CASD1: variants seen among roughly 807,000 people sequenced by gnomAD.
The protein encoded by CASD1 is CAS1 domain sialic acid O acetyltransferase 1.
Under a neutral mutation model 100.0 loss-of-function variants are expected in CASD1, and 41 were observed. The ratio of observed to expected loss-of-function variants is 0.41; its 90% CI spans 0.32 to 0.53. The LOEUF is 0.53. Among genes scored for constraint, CASD1 ranks in the 20% least tolerant of loss-of-function variants. The probability of loss-of-function intolerance (pLI) is 0.25; values close to 1 mark genes in which losing one functional copy is unlikely to be tolerated. For synonymous variants in CASD1, 321 were observed against 315.6 expected (o/e 1.02, Z -0.18); for missense variants, 774 against 948.7 (o/e 0.82, Z 2.42).
At chr7:94,535,160 C>T (rs1795058227) in intron 7 of CASD1, 149 bp from the exon 8 acceptor site, 6 of 592,696 alleles carry the variant, frequency 1.0e-5, no homozygotes, top group Non-Finnish European at 1.7e-5. Context: ...CTTTGGGAAG[C>T]TTTGCGTAAA....
At chr7:94,629,891 C>A in the CASD1 span, 7 of 1,602,656 alleles carry the variant, frequency 4.4e-6, no homozygotes, top group Non-Finnish European at 4.3e-6. Context: ...TAATGAGATA[C>A]GCCCTTGATA....
chr7:94,628,725 C>G, the CASD1 span: 1 of 244,578 alleles, frequency 4.1e-6, no homozygotes, highest in Non-Finnish European at 8.1e-6. Context: ...TCATGAAACT[C>G]TGGACACTAT....
At chr7:94,526,509 TG>T (rs1388187213) in intron 3 of CASD1, among the ~76,000 whole-genome samples, 1 of 152,210 alleles carries the variant, frequency 6.6e-6, no homozygotes, top group Admixed American at 6.5e-5. Context: ...ATACAAGTGC[TG>T]GGCACGGTGG....
At chr7:94,606,624 C>T in the CASD1 span, among the ~76,000 whole-genome samples, 2 of 152,296 alleles carry the variant, frequency 1.3e-5, no homozygotes, top group South Asian at 4.1e-4. Context: ...CATCAGTCGA[C>T]AGGTTTTAAT....
At chr7:94,614,107 C>CAAAA in the CASD1 span, among the ~76,000 whole-genome samples, 37 of 94,888 alleles carry the variant, frequency 3.9e-4, no homozygotes, top group African/African-American at 9.7e-4. Context: ...AAATTGAAAT[C>CAAAA]AAAAAAAAAA....
At chr7:94,539,144 T>C in intron 10 of CASD1, 88 bp downstream of exon 10, 1 of 679,334 alleles carries the variant, frequency 1.5e-6, no homozygotes, top group Non-Finnish European at 2.5e-6. Flanking sequence ...TTGTGTTTTA[T>C]AATCTCTACC....
chr7:94,577,250 C>A, the CASD1 span, among the ~76,000 whole-genome samples: 1 of 152,094 alleles, frequency 6.6e-6, no homozygotes, highest in East Asian at 1.9e-4. Context: ...AAAACTGGAT[C>A]TTTTAAATAA....
In CASD1 at chr7:94,528,255, G is replaced by A; in HGVS notation, c.459+5G>A. ...TGTATCAAAGTGTGGACTGAGGTCT[G>A]TATTTAAAAAACATAGGCTTTTTTT... is the stretch of plus-strand genomic sequence containing the variant. On this transcript the variant is annotated splice_donor_5th_base_variant and intron_variant, in intron 5 of 17. Coordinates refer to ENST00000297273, the MANE Select transcript of CASD1 (RefSeq NM_022900.5). 6.5e-7 allele frequency: 1 copy of A among 1,540,032 alleles called. No individual in the cohort carries two copies. The highest frequency in any genetic ancestry group is 8.8e-7 in the Non-Finnish European group (1 of 1,142,164).
chr7:94,604,806 AATATATATATATATATAT>A, the CASD1 span, among the ~76,000 whole-genome samples: 624 of 44,356 alleles, frequency 0.014, 9 homozygotes, highest in Non-Finnish European at 0.018. Context: ...ATGGTGCTGG[AATATATATATATATATAT>A]ATATATATAT....
In CASD1 at chr7:94,549,600, A is replaced by G. The variant is rs146816003; in HGVS notation, c.1781A>G (p.Tyr594Cys). The change falls in exon 14 of 18, where the codon TAT (tyrosine) becomes TGT (cysteine). Residue 594 changes from tyrosine (Y) to cysteine (C), a missense_variant. Tyr to Cys is a radical substitution (Grantham distance 194, BLOSUM62 -2). Coordinates refer to ENST00000297273, the MANE Select transcript of CASD1 (RefSeq NM_022900.5). Reference protein sequence around the residue: ...SKCFELKGNVYEWWFRWRLDR... With the variant: ...SKCFELKGNVCEWWFRWRLDR... ...TGTTTTGAACTGAAAGGGAATGTAT[A>G]TGAATGGTGGTTCAGATGGAGGTTA... 1.9e-6 allele frequency: 3 copies of G among 1,610,338 alleles called. No individual in the cohort carries two copies. The African/African-American group carries it at 4.0e-5, about 22-fold the overall frequency.
the CASD1 span, among the ~76,000 whole-genome samples, chr7:94,633,067 G>A: frequency 6.6e-6 from 1 of 151,990 alleles, no homozygotes; most frequent in Non-Finnish European, 1.5e-5. Flanking sequence ...AAATATACAT[G>A]TGTACAGTGC....
the CASD1 span, among the ~76,000 whole-genome samples, chr7:94,565,048 T>C: frequency 6.6e-6 from 1 of 152,056 alleles, no homozygotes; most frequent in Non-Finnish European, 1.5e-5. Flanking sequence ...ATATGTTAAG[T>C]AGCACAGTAA....
chr7:94,606,445 A>G, the CASD1 span, among the ~76,000 whole-genome samples: 28 of 152,338 alleles, frequency 1.8e-4, no homozygotes, highest in African/African-American at 6.0e-4. Flanking sequence ...CTTAATGTGT[A>G]TATGCCTCAT....
intron 11 of CASD1, 88 bp downstream of exon 11, chr7:94,544,618 CATT>C (rs1417938208): frequency 7.7e-7 from 1 of 1,292,338 alleles, no homozygotes; most frequent in East Asian, 2.5e-5. Context: ...TAAATATAGT[CATT>C]ATAAGACTGA....
At chr7:94,629,649 G>A in the CASD1 span, 5 of 1,305,822 alleles carry the variant, frequency 3.8e-6, no homozygotes, top group African/African-American at 2.9e-5. Flanking sequence ...TATCATATAT[G>A]TCTATATTAT....
At position 94,535,508 on chromosome 7, in the gene CASD1, A is replaced by C. The variant is rs34850251; in HGVS notation, c.828A>C (p.Glu276Asp). 1,912 of 1,613,150 alleles carry C rather than the reference A, an allele frequency of 1.2e-3. 3 individuals carry two copies. The highest frequency in any genetic ancestry group is 1.5e-3 in the Non-Finnish European group (1,765 of 1,179,452). Residue 276 changes from glutamate (E) to aspartate (D), a missense_variant, in exon 8 of 18, where the codon GAA becomes GAC. Glu to Asp is a conservative substitution (Grantham distance 45). Coordinates refer to ENST00000297273, the MANE Select transcript of CASD1 (RefSeq NM_022900.5). Reference sequence around the variant, plus strand: ...CTTTGGATGGCTTACATCTTCCTGAATCGAGCAGAGAAACTGTGAGAAATT... The same window carrying C: ...CTTTGGATGGCTTACATCTTCCTGACTCGAGCAGAGAAACTGTGAGAAATT... ...MESLDGLHLPESSRETTAMIL... is the reference protein window; with the variant it reads ...MESLDGLHLPDSSRETTAMIL...
downstream of CASD1, among the ~76,000 whole-genome samples, chr7:94,560,573 G>A (rs933717640): frequency 6.6e-6 from 1 of 152,286 alleles, no homozygotes; most frequent in Non-Finnish European, 1.5e-5. Flanking sequence ...TTGTAAAGTT[G>A]TATATTTGGA....
At chr7:94,533,479 T>C (rs1037829082) in intron 6 of CASD1, among the ~76,000 whole-genome samples, 200 bp from the exon 7 acceptor site, 1 of 152,192 alleles carries the variant, frequency 6.6e-6, no homozygotes, top group Middle Eastern at 3.2e-3. Flanking sequence ...TTGAATGTTA[T>C]ACATTGAAAG....
chr7:94,579,663 A>G, the CASD1 span, among the ~76,000 whole-genome samples: 20 of 152,176 alleles, frequency 1.3e-4, no homozygotes, highest in Non-Finnish European at 2.8e-4. Context: ...TAATTGCAAC[A>G]CACTTTAGCT....
Sources: allele counts gnomAD v4.1 joint callset (sites outside exome capture counted in the v4.1 genomes callset), GRCh38; gene constraint gnomAD v4.1.1; transcripts MANE v1.5; gene names NCBI Gene and HGNC (gene_info 2026-07-23, HGNC 2026-07-21).